BTN2A1: variants seen among roughly 807,000 people sequenced by gnomAD.
BTN2A1 encodes the protein butyrophilin subfamily 2 member A1, also known as butyrophilin, subfamily 2, member A1.
BTN2A1 carries 41 observed loss-of-function variants against 34.5 expected under a neutral mutation model. The observed-to-expected ratio is 1.19, with a 90% confidence interval of 0.93 to 1.54. The LOEUF (loss-of-function observed/expected upper bound fraction) is 1.54. BTN2A1 is among the 40% of genes most tolerant of loss of function. The pLI, the probability that BTN2A1 is intolerant of heterozygous loss-of-function variation, is 0.00. For missense variants in BTN2A1, 642 were observed against 662.0 expected, an observed-to-expected ratio of 0.97 and a Z score of 0.33; for synonymous variants, 267 against 258.6, an observed-to-expected ratio of 1.03 and a Z score of -0.31.
At chr6:26,476,323 T>C in exon 8 of BTN2A1, 1 of 805,488 alleles carries the variant, frequency 1.2e-6, no homozygotes, top group Admixed American at 2.0e-5. Flanking sequence ...TCAGCTAGGC[T>C]GAAGCTCCTG....
downstream of BTN2A1, among the ~76,000 whole-genome samples, chr6:26,474,256 C>T (rs1763501244): frequency 6.6e-6 from 1 of 152,182 alleles, no homozygotes; most frequent in African/African-American, 2.4e-5. Context: ...CGGCGGCAGT[C>T]AACCCTGCAG....
At chr6:26,473,429 C>T (rs1763483955), downstream of BTN2A1, among the ~76,000 whole-genome samples, 1 of 152,154 alleles carries the variant, frequency 6.6e-6, no homozygotes, top group Admixed American at 6.5e-5. Context: ...CAGTTATAGA[C>T]AGCACTAACT....
rs900330174 is a variant in BTN2A1 at position 26,465,388 on chromosome 6, G to T, written c.916G>T (p.Glu306Ter). Residue 306 changes from glutamate (E) to a stop codon, truncating the protein, a stop_gained, in exon 5 of 8, where the codon GAA becomes TAA. Transcript: ENST00000312541. LOFTEE classifies it high-confidence loss of function. The stretch of plus-strand genomic sequence containing the variant: ...GGAGAAAGAACGTGTGCAAAAAGAG[G>T]AAGAACTTCAAGTAAAAGGTAAAAG... ...ELEKERVQKE[E>*]ELQVKEKLQE... 1.9e-6 allele frequency: 3 copies of T among 1,613,956 alleles called. No individual in the cohort carries two copies. The highest frequency in any genetic ancestry group is 2.5e-6 in the Non-Finnish European group (3 of 1,179,978).
intron 7 of BTN2A1, chr6:26,467,605 C>G: frequency 8.4e-7 from 1 of 1,186,458 alleles, no homozygotes. Flanking sequence ...AGTCACCACG[C>G]CTGGCCAGAG....
intron 2 of BTN2A1, 123 bp downstream of exon 2, chr6:26,458,841 C>T (rs746168389): frequency 2.8e-5 from 36 of 1,285,124 alleles, no homozygotes; most frequent in Non-Finnish European, 3.9e-5. Flanking sequence ...TGAACATGTT[C>T]ATTGAATTTA....
intron 7 of BTN2A1, among the ~76,000 whole-genome samples, chr6:26,466,723 C>T (rs990494555): frequency 6.6e-6 from 1 of 152,174 alleles, no homozygotes; most frequent in Non-Finnish European, 1.5e-5. Context: ...CCAAGCTTTA[C>T]CAGATACCAT....
intron 4 of BTN2A1, among the ~76,000 whole-genome samples, 194 bp from the exon 5 acceptor site, chr6:26,464,991 C>T (rs1763269321): frequency 1.3e-5 from 2 of 152,284 alleles, no homozygotes; most frequent in Middle Eastern, 3.4e-3. Context: ...GGTTTGCTAC[C>T]TCTGGGCCTT....
Position 26,469,239 on chromosome 6 carries a change from T to A in BTN2A1, c.*690T>A. 9.8e-7 allele frequency: 1 copy of A among 1,020,936 alleles called. No individual in the cohort carries two copies. Among genetic ancestry groups the A allele is most frequent in the Non-Finnish European group, 1.2e-6 (1 of 850,680 alleles). 63.2% of individuals were successfully genotyped at this position (1,020,936 alleles called of 1,614,324 possible). On this transcript the variant is annotated 3_prime_UTR_variant, in exon 8 of 8. Transcript: ENST00000312541. ...CCTGCAGTTGGCAAGGAGTCAGTAC[T>A]CAGTCCCTGAGTGTGGCTGAAATTT... is the stretch of plus-strand genomic sequence containing the variant.
At chr6:26,462,800 T>G (rs367856963) in intron 3 of BTN2A1, 3 of 1,286,918 alleles carry the variant, frequency 2.3e-6, no homozygotes, top group East Asian at 1.1e-4. Context: ...ATTCTAGAGC[T>G]TCTGGAAGCT....
At chr6:26,470,173 C>A (rs970577653), downstream of BTN2A1, among the ~76,000 whole-genome samples, 1 of 152,142 alleles carries the variant, frequency 6.6e-6, no homozygotes, top group Non-Finnish European at 1.5e-5. Context: ...CATGGCAAAA[C>A]CCCATCTCAC....
rs1561872307 is a variant in BTN2A1 at position 26,466,040 on chromosome 6, CGT to C, written c.956-21_956-20del. On this transcript the variant is annotated intron_variant, in intron 6 of 7. Transcript: ENST00000312541. ...CTGCTCAGCAACATCTCATGACATT[CGT>C]CTCTGTCTGTCCCTTGCAGGATGGA... 2 of 1,614,086 alleles carry C rather than the reference CGT, an allele frequency of 1.2e-6. No homozygotes were observed. Among genetic ancestry groups the C allele is most frequent in the East Asian group, 2.2e-5 (1 of 44,898 alleles).
At chr6:26,465,487 T>A in intron 5 of BTN2A1, 81 bp downstream of exon 5, 15 of 1,363,300 alleles carry the variant, frequency 1.1e-5, no homozygotes, top group South Asian at 1.3e-5. Context: ...ACTTGAGCCC[T>A]GGAGTTCGAG....
At chr6:26,473,689 A>G (rs1763488287), downstream of BTN2A1, among the ~76,000 whole-genome samples, 1 of 152,108 alleles carries the variant, frequency 6.6e-6, no homozygotes, top group Non-Finnish European at 1.5e-5. Flanking sequence ...AAATCTTTTC[A>G]TTTTTCCACT....
rs9461253 is a variant in BTN2A1, at chr6:26,466,590, T to G, written c.982+502T>G. On this transcript the variant is annotated intron_variant, in intron 7 of 7. Transcript: ENST00000312541. ...TGCTCTTAAGAGAACACTAATACTTTGTGTATAGCCTGCCGTGGGAGGGAT... is the reference window on the plus strand; with the variant it reads ...TGCTCTTAAGAGAACACTAATACTTGGTGTATAGCCTGCCGTGGGAGGGAT... Among the ~76,000 whole-genome samples the G allele has an allele frequency of 9.8e-3, 1,499 of 152,246 alleles. 24 individuals carry two copies. Among genetic ancestry groups the G allele is most frequent in the African/African-American group, 0.032 (1,311 of 41,518 alleles).
At chr6:26,462,606 A>G (rs1025560139) in intron 3 of BTN2A1, among the ~76,000 whole-genome samples, 1 of 152,330 alleles carries the variant, frequency 6.6e-6, no homozygotes, top group East Asian at 1.9e-4. Flanking sequence ...AACAGTGTGA[A>G]TTAGGATTAG....
At chr6:26,476,296 T>C (rs1763537472) in exon 8 of BTN2A1, 1 of 899,898 alleles carries the variant, frequency 1.1e-6, no homozygotes, top group Non-Finnish European at 1.8e-6. Flanking sequence ...AGCCCATCGC[T>C]CTCTCCTGTC....
chr6:26,475,597 T>C (rs1249601383), intron 7 of BTN2A1, among the ~76,000 whole-genome samples: 1 of 152,084 alleles, frequency 6.6e-6, no homozygotes, highest in African/African-American at 2.4e-5. Flanking sequence ...GAACTATTGG[T>C]ACAATGAACT....
At chr6:26,460,393 T>A (rs1388021745) in intron 3 of BTN2A1, among the ~76,000 whole-genome samples, 1 of 151,870 alleles carries the variant, frequency 6.6e-6, no homozygotes, top group African/African-American at 2.4e-5. Flanking sequence ...GCAGAGAGAG[T>A]GACTTATTGT....
In BTN2A1 at chr6:26,466,058, G is replaced by A. The variant is rs746674639; in HGVS notation, c.956-4G>A. 5 of 1,614,018 alleles carry A rather than the reference G, an allele frequency of 3.1e-6. No homozygotes were observed. The highest frequency in any genetic ancestry group is 4.2e-6 in the Non-Finnish European group (5 of 1,180,050). ...TGACATTCGTCTCTGTCTGTCCCTTGCAGGATGGAGAAGAACATTCTTACA... is the reference window on the plus strand; with the variant it reads ...TGACATTCGTCTCTGTCTGTCCCTTACAGGATGGAGAAGAACATTCTTACA... On this transcript the variant is annotated splice_polypyrimidine_tract_variant and splice_region_variant and intron_variant, in intron 6 of 7. Transcript: ENST00000312541.
Sources: gnomAD v4.1 joint callset for allele counts (sites outside exome capture counted in the v4.1 genomes callset) on GRCh38, gnomAD v4.1.1 for gene constraint, MANE v1.5 for transcripts, NCBI Gene and HGNC (gene_info 2026-07-23, HGNC 2026-07-21) for gene names.